SCCPDH: variants seen among roughly 807,000 people sequenced by gnomAD.
SCCPDH encodes saccharopine dehydrogenase (putative), also known as saccharopine dehydrogenase-like oxidoreductase.
In SCCPDH, 34 loss-of-function variants were observed where a neutral mutation model predicts 51.5. That is an observed-to-expected ratio of 0.66 (90% CI 0.50 to 0.88). The LOEUF (loss-of-function observed/expected upper bound fraction) is 0.88, where lower values mean the gene tolerates loss of function less well. Ranked by LOEUF, SCCPDH falls within the 40% of genes least tolerant of loss-of-function variation. The pLI is 0.00. For missense variants in SCCPDH, 464 were observed against 527.1 expected, an observed-to-expected ratio of 0.88 and a Z score of 1.17; for synonymous variants, 187 against 191.3, an observed-to-expected ratio of 0.98 and a Z score of 0.19.
intron 3 of SCCPDH, among the ~76,000 whole-genome samples, chr1:246,737,233 T>TA (rs11374908): frequency 0.84 from 119,689 of 143,004 alleles, 51,892 homozygotes; most frequent in Non-Finnish European, 0.96. Context: ...GGAAACAAAT[T>TA]AAAAAAAAAA....
At chr1:246,761,859 TAC>T (rs1452289049) in intron 9 of SCCPDH, among the ~76,000 whole-genome samples, 1 of 152,238 alleles carries the variant, frequency 6.6e-6, no homozygotes, top group Non-Finnish European at 1.5e-5. Flanking sequence ...AACATGGGTG[TAC>T]AGATACCTCT....
chr1:246,727,590 AG>A (rs147333707), intron 2 of SCCPDH, among the ~76,000 whole-genome samples: 90 of 152,352 alleles, frequency 5.9e-4, no homozygotes, highest in African/African-American at 2.0e-3. Flanking sequence ...AAGCCAAGAA[AG>A]GAGAAAAGGT....
intron 2 of SCCPDH, among the ~76,000 whole-genome samples, chr1:246,731,761 C>T (rs1250152132): frequency 6.6e-6 from 1 of 152,136 alleles, no homozygotes; most frequent in African/African-American, 2.4e-5. Context: ...ATGTGCACAA[C>T]ATGCAGGCTC....
Position 246,755,006 on chromosome 1 carries a change from A to G in SCCPDH, c.565-3220A>G, listed in dbSNP as rs144466678. On this transcript the variant is annotated intron_variant, in intron 5 of 11. Transcript: ENST00000366510. ...TCAGCTGTATTTCTGTATGCCAGCT[A>G]CAGTTAGAAGGTGATTATTTTTGTA... Among the ~76,000 whole-genome samples, 513 of 152,308 alleles carry G rather than the reference A, an allele frequency of 3.4e-3. 1 individual carries two copies. The highest frequency in any genetic ancestry group is 0.014 in the Middle Eastern group (4 of 294).
At chr1:246,749,974 A>G (rs1371135589) in intron 5 of SCCPDH, among the ~76,000 whole-genome samples, 1 of 152,194 alleles carries the variant, frequency 6.6e-6, no homozygotes, top group African/African-American at 2.4e-5. Context: ...AGGGGAAAAG[A>G]AAGAGATGCA....
chr1:246,760,141 AT>A, intron 8 of SCCPDH, 29 bp from the exon 9 acceptor site: 2 of 1,597,714 alleles, frequency 1.3e-6, no homozygotes, highest in Non-Finnish European at 1.7e-6. Context: ...TTTTAAAAAA[AT>A]ATCACTGACG....
At chr1:246,745,250 A>ACAATACTTTTATGCTGATAGTGC (rs1296077683) in intron 5 of SCCPDH, among the ~76,000 whole-genome samples, 19 of 152,350 alleles carry the variant, frequency 1.2e-4, no homozygotes, top group African/African-American at 4.6e-4. Flanking sequence ...ATGTTTTATG[A>ACAATACTTTTATGCTGATAGTGC]CAATACTTTT....
At chr1:246,764,207 C>T (rs767617065) in intron 9 of SCCPDH, 39 bp from the exon 10 acceptor site, 7 of 1,212,244 alleles carry the variant, frequency 5.8e-6, no homozygotes, top group African/African-American at 4.5e-5. Context: ...GAGGAAATGA[C>T]GTATTTATGA....
rs1210254443 is a variant in SCCPDH at position 246,767,243 on chromosome 1, T to C, written c.1233T>C (p.Ile411=). 6.2e-7 allele frequency: 1 copy of C among 1,611,462 alleles called. No individual in the cohort carries two copies. The highest frequency in any genetic ancestry group is 1.1e-5 in the South Asian group (1 of 90,744). ...CAGCTTTTTCCAAAACAAAGTTGAT[T>C]GACAGACTCAACAAACACGGTATTG... The part of the protein sequence containing the change: ...PGAAFSKTKL[I]DRLNKHGIEF... Residue 411 remains isoleucine, a synonymous_variant, in exon 12 of 12, where the codon ATT becomes ATC. Coordinates refer to ENST00000366510, the MANE Select transcript of SCCPDH (RefSeq NM_016002.3).
At chr1:246,741,994 C>T (rs546107066) in intron 4 of SCCPDH, among the ~76,000 whole-genome samples, 26 of 152,238 alleles carry the variant, frequency 1.7e-4, no homozygotes, top group South Asian at 2.1e-4. Flanking sequence ...GCTTGAACCC[C>T]GGAGGCGGAG....
chr1:246,750,152 T>TC (rs1334368569), intron 5 of SCCPDH, among the ~76,000 whole-genome samples: 1 of 152,074 alleles, frequency 6.6e-6, no homozygotes, highest in Admixed American at 6.6e-5. Flanking sequence ...CTAGGTAGGG[T>TC]CCTTCGAAAG....
rs150626493 is a variant in SCCPDH, at chr1:246,740,579, A to C, written c.514+278A>C. Among the ~76,000 whole-genome samples, 417 of 152,376 alleles carry C rather than the reference A, an allele frequency of 2.7e-3. 2 individuals are homozygous for C. Among genetic ancestry groups the C allele is most frequent in the African/African-American group, 9.1e-3 (378 of 41,596 alleles). ...TCTGGAAAACAACTTTGGCAACGTT[A>C]TAAATTCAAACTTGCTTTGTTTAGG... On this transcript the variant is annotated intron_variant, in intron 4 of 11. Transcript: ENST00000366510.
intron 2 of SCCPDH, among the ~76,000 whole-genome samples, chr1:246,728,957 G>C (rs376362417): frequency 1.1e-4 from 16 of 152,316 alleles, no homozygotes; most frequent in East Asian, 3.9e-4. Flanking sequence ...TAAAGAGAAA[G>C]AGTACAAAGA....
intron 5 of SCCPDH, among the ~76,000 whole-genome samples, chr1:246,749,934 T>TA (rs1227570616): frequency 1.3e-5 from 2 of 152,192 alleles, no homozygotes; most frequent in African/African-American, 4.8e-5. Context: ...TTGACCTAGT[T>TA]ACACTAGTAA....
intron 5 of SCCPDH, among the ~76,000 whole-genome samples, chr1:246,753,290 C>G (rs1162875410): frequency 1.3e-5 from 2 of 152,036 alleles, no homozygotes; most frequent in South Asian, 2.1e-4. Context: ...CTTACATACA[C>G]TTTTTGGGCT....
chr1:246,738,522 C>T lies in SCCPDH; in HGVS notation c.385-1650C>T, dbSNP rs191135251. Reference sequence around the variant, plus strand: ...GGGACTCCGTCTCAAAAAAAAAAAACCCAGAGTATTTAAAGAACTTTTACA... The same window carrying T: ...GGGACTCCGTCTCAAAAAAAAAAAATCCAGAGTATTTAAAGAACTTTTACA... On this transcript the variant is annotated intron_variant, in intron 3 of 11. Coordinates refer to ENST00000366510, the MANE Select transcript of SCCPDH (RefSeq NM_016002.3). Among the ~76,000 whole-genome samples the T allele has an allele frequency of 5.2e-3, 770 of 148,570 alleles. 4 individuals are homozygous for T. Among genetic ancestry groups the T allele is most frequent in the Non-Finnish European group, 8.4e-3 (562 of 67,128 alleles).
rs1265174530 is a variant in SCCPDH at position 246,767,421 on chromosome 1, A to G, written c.*121A>G. 2.0e-6 allele frequency: 1 copy of G among 497,784 alleles called. No homozygotes were observed. The highest frequency in any genetic ancestry group is 3.4e-5 in the East Asian group (1 of 29,026). The allele number at this position is 497,784 out of a possible 1,614,324, so 30.8% of individuals were successfully genotyped here. A position where few individuals can be genotyped will look rare whatever the true frequency, so the allele number is the denominator to read the frequency against. ...TGGAAACGATTGTCAAATCTAAAATATCTATATATTAAAAAGTAGGAAATT... is the reference window on the plus strand; with the variant it reads ...TGGAAACGATTGTCAAATCTAAAATGTCTATATATTAAAAAGTAGGAAATT... On this transcript the variant is annotated 3_prime_UTR_variant, in exon 12 of 12. Coordinates refer to ENST00000366510, the MANE Select transcript of SCCPDH (RefSeq NM_016002.3).
intron 2 of SCCPDH, among the ~76,000 whole-genome samples, chr1:246,733,799 A>G (rs1260192614): frequency 6.6e-6 from 1 of 152,222 alleles, no homozygotes; most frequent in Non-Finnish European, 1.5e-5. Flanking sequence ...ATCAGGGGGA[A>G]GAGAAAATAA....
Position 246,767,279 on chromosome 1 carries a change from T to C in SCCPDH, c.1269T>C (p.Val423=). 1 of 1,604,460 alleles carries C rather than the reference T, an allele frequency of 6.2e-7. No homozygotes were observed. Among genetic ancestry groups the C allele is most frequent in the Non-Finnish European group, 8.5e-7 (1 of 1,174,478 alleles). ...RLNKHGIEFS[V]ISSSEV ...ACAAACACGGTATTGAGTTTAGTGT[T>C]ATTAGCAGCTCTGAAGTCTAAACAC... Residue 423 remains valine, a synonymous_variant, in exon 12 of 12, where the codon GTT becomes GTC. Transcript: ENST00000366510.
Sources: allele counts gnomAD v4.1 joint callset (sites outside exome capture counted in the v4.1 genomes callset), GRCh38; gene constraint gnomAD v4.1.1; transcripts MANE v1.5; gene names NCBI Gene and HGNC (gene_info 2026-07-23, HGNC 2026-07-21).